Variants in RYR2 observed in about 807,000 individuals in gnomAD.
The protein encoded by RYR2 is cardiac muscle ryanodine receptor-calcium release channel.
Under a neutral mutation model 601.1 loss-of-function variants are expected in RYR2, and 227 were observed. The ratio of observed to expected loss-of-function variants is 0.38; its 90% CI spans 0.34 to 0.42. RYR2 has a LOEUF of 0.42. Among genes scored for constraint, RYR2 ranks in the 10% least tolerant of loss-of-function variants. The pLI, the probability that RYR2 is intolerant of heterozygous loss-of-function variation, is 1.00. For synonymous variants in RYR2, 2,223 were observed against 2,175.1 expected (o/e 1.02, Z -0.61); for missense variants, 4,646 against 6,156.5 (o/e 0.75, Z 8.21).
Position 237,500,871 on chromosome 1 carries a change from C to A in RYR2, c.2364C>A (p.Phe788Leu), listed in dbSNP as rs776018906. The stretch of plus-strand genomic sequence containing the variant: ...AGAATTTCAACATCGATGGCCTCTT[C>A]TTTCCAGTCGTTAGTTTCTCTGCAG... The part of the protein sequence containing the change: ...MFENFNIDGL[F>L]FPVVSFSAGI... The change falls in exon 21 of 105, where the codon TTC becomes TTA. Residue 788 changes from phenylalanine to leucine, a missense_variant. Coordinates refer to ENST00000366574, the MANE Select transcript of RYR2 (RefSeq NM_001035.3). The A allele has an allele frequency of 3.7e-6, 6 of 1,613,936 alleles. No homozygotes were observed. Among genetic ancestry groups the A allele is most frequent in the Non-Finnish European group, 3.4e-6 (4 of 1,179,902 alleles).
At chr1:237,641,493 C>CCTTCTT (rs1553265012) in intron 47 of RYR2, among the ~76,000 whole-genome samples, 3 of 142,000 alleles carry the variant, frequency 2.1e-5, no homozygotes, top group Non-Finnish European at 3.1e-5. Flanking sequence ...TTCTTTCTTT[C>CCTTCTT]TTTCTTTCTT....
intron 84 of RYR2, among the ~76,000 whole-genome samples, chr1:237,761,630 T>G (rs1157809703): frequency 1.3e-5 from 2 of 152,232 alleles, no homozygotes; most frequent in African/African-American, 4.8e-5. Context: ...AAATAGATGC[T>G]GGTATAAACT....
intron 62 of RYR2, among the ~76,000 whole-genome samples, chr1:237,685,496 C>G (rs1384271129): frequency 6.6e-6 from 1 of 152,130 alleles, no homozygotes; most frequent in Non-Finnish European, 1.5e-5. Flanking sequence ...TTGAGTAAGA[C>G]CTAATCCTAG....
intron 14 of RYR2, among the ~76,000 whole-genome samples, chr1:237,446,329 A>C (rs557812979): frequency 1.1e-3 from 163 of 152,224 alleles, no homozygotes; most frequent in African/African-American, 3.8e-3. Flanking sequence ...AAACTTTGCT[A>C]ATTTGATGGG....
At chr1:237,650,122 C>A in intron 50 of RYR2, 25 bp downstream of exon 50, 1 of 1,583,872 alleles carries the variant, frequency 6.3e-7, no homozygotes, top group Non-Finnish European at 8.6e-7. Context: ...AATTCTATTC[C>A]GGCTTCTTCT....
chr1:237,734,324 C>T (rs1690947174), intron 79 of RYR2, among the ~76,000 whole-genome samples: 1 of 152,076 alleles, frequency 6.6e-6, no homozygotes, highest in Non-Finnish European at 1.5e-5. Context: ...GGGGGGCTGT[C>T]AAACACTGTT....
At chr1:237,387,778 T>A (rs1237271701) in intron 9 of RYR2, among the ~76,000 whole-genome samples, 3 of 152,220 alleles carry the variant, frequency 2.0e-5, no homozygotes, top group Non-Finnish European at 4.4e-5. Context: ...GGGAAATATC[T>A]GTATATGTTC....
In RYR2 at chr1:237,638,397, A is replaced by G; in HGVS notation, c.6833A>G (p.Gln2278Arg). 3 of 1,613,970 alleles carry G rather than the reference A, an allele frequency of 1.9e-6. No individual in the cohort carries two copies. The highest frequency in any genetic ancestry group is 2.5e-6 in the Non-Finnish European group (3 of 1,179,864). ...GCTGGTTGTGGACTGCAAAGTTGCC[A>G]GATGCTGGTGTCTAAGGGCTATCCA... ...YLAGCGLQSCQMLVSKGYPDI... is the reference protein window; with the variant it reads ...YLAGCGLQSCRMLVSKGYPDI... The change falls in exon 45 of 105, where the codon CAG becomes CGG. Residue 2278 changes from glutamine to arginine, a missense_variant. Gln to Arg is a conservative substitution (Grantham distance 43, BLOSUM62 1). This residue lies in a region of RYR2 where 137 missense variants were observed against 273.6 expected (regional missense o/e 0.50). Transcript: ENST00000366574.
At chr1:237,502,432 T>G (rs1217607143) in intron 21 of RYR2, among the ~76,000 whole-genome samples, 2 of 152,110 alleles carry the variant, frequency 1.3e-5, no homozygotes, top group Non-Finnish European at 2.9e-5. Context: ...TCCCCAACCT[T>G]TTTGGCCTTA....
rs572378841 is a variant in RYR2, at chr1:237,333,715, T to C, written c.273+2733T>C. 4 of 452,810 alleles carry C rather than the reference T, an allele frequency of 8.8e-6. No homozygotes were observed. In the East Asian group the frequency reaches 2.8e-4, roughly 32 times the overall value. The allele number at this position is 452,810 out of a possible 1,614,324, so 28.0% of individuals were successfully genotyped here. A position where few individuals can be genotyped will look rare whatever the true frequency, so the allele number is the denominator to read the frequency against. On this transcript the variant is annotated intron_variant, in intron 3 of 104. Coordinates refer to ENST00000366574, the MANE Select transcript of RYR2 (RefSeq NM_001035.3). ...AAATATCATCTTTTCTAGTGCCTTA[T>C]AATGTCCCCTTTACACTCATTATGG...
chr1:237,810,159 T>C (rs1462052303), intron 100 of RYR2, among the ~76,000 whole-genome samples: 4 of 152,072 alleles, frequency 2.6e-5, no homozygotes, highest in Non-Finnish European at 2.9e-5. Flanking sequence ...AGCATAAACA[T>C]TATTTGAAAA....
At chr1:237,658,973 A>T (rs1461289325) in intron 54 of RYR2, among the ~76,000 whole-genome samples, 1 of 152,202 alleles carries the variant, frequency 6.6e-6, no homozygotes, top group Non-Finnish European at 1.5e-5. Context: ...TTCATGTTTA[A>T]GTTGAGCTTA....
intron 1 of RYR2, among the ~76,000 whole-genome samples, chr1:237,182,235 CCT>C (rs1472221101): frequency 1.3e-5 from 2 of 152,142 alleles, no homozygotes; most frequent in Non-Finnish European, 2.9e-5. Context: ...AATTCTCCTT[CCT>C]CAGCCTCCTG....
intron 1 of RYR2, among the ~76,000 whole-genome samples, chr1:237,172,777 C>T (rs1677564289): frequency 6.6e-6 from 1 of 152,104 alleles, no homozygotes; most frequent in Non-Finnish European, 1.5e-5. Context: ...GACTGTGGGG[C>T]CCCAGGGAGG....
intron 82 of RYR2, among the ~76,000 whole-genome samples, chr1:237,758,338 A>G (rs959940119): frequency 5.3e-5 from 8 of 152,122 alleles, no homozygotes; most frequent in Non-Finnish European, 7.4e-5. Context: ...TTTTCTTTAT[A>G]ACTTCAAATA....
chr1:237,473,632 C>T lies in RYR2; in HGVS notation c.1708+4445C>T, dbSNP rs552983773. The stretch of plus-strand genomic sequence containing the variant: ...TAAGGGAAAGTTCTACTACCCTGAC[C>T]CAAACTAGGAAGGAGCGGGGCAGTC... On this transcript the variant is annotated intron_variant, in intron 17 of 104. Coordinates refer to ENST00000366574, the MANE Select transcript of RYR2 (RefSeq NM_001035.3). Among the ~76,000 whole-genome samples the T allele has an allele frequency of 3.3e-5, 5 of 152,026 alleles. No individual in the cohort carries two copies. In the East Asian group the frequency reaches 9.7e-4, roughly 30 times the overall value.
chr1:237,536,022 C>G (rs1254085138), intron 25 of RYR2, among the ~76,000 whole-genome samples: 3 of 151,872 alleles, frequency 2.0e-5, no homozygotes, highest in Non-Finnish European at 2.9e-5. Context: ...CAATATAAGT[C>G]ACTACTACTT....
intron 8 of RYR2, among the ~76,000 whole-genome samples, chr1:237,378,862 C>A (rs1375867541): frequency 6.6e-6 from 1 of 152,184 alleles, no homozygotes; most frequent in Non-Finnish European, 1.5e-5. Context: ...AATGGTATAA[C>A]AGTGTCTCGT....
At chr1:237,807,571 C>A (rs1163681354) in intron 99 of RYR2, among the ~76,000 whole-genome samples, 2 of 152,080 alleles carry the variant, frequency 1.3e-5, no homozygotes, top group Admixed American at 1.3e-4. Flanking sequence ...AGGCTGGTCT[C>A]GAACTTCTGA....
Sources: gnomAD v4.1 joint callset for allele counts (sites outside exome capture counted in the v4.1 genomes callset) on GRCh38, gnomAD v4.1.1 for gene constraint, gnomAD v4.1.1 regional missense constraint, MANE v1.5 for transcripts, NCBI Gene and HGNC (gene_info 2026-07-23, HGNC 2026-07-21) for gene names.